The following MAPK10 variants were observed in gnomAD, a reference collection of about 807,000 sequenced individuals.
The protein encoded by MAPK10 is mitogen-activated protein kinase 10.
MAPK10 carries 25 observed loss-of-function variants against 59.3 expected under a neutral mutation model. The observed-to-expected ratio is 0.42, with a 90% CI of 0.31 to 0.59. The LOEUF (loss-of-function observed/expected upper bound fraction) is 0.59, where lower values mean the gene tolerates loss of function less well. Ranked by LOEUF, MAPK10 falls within the 20% of genes least tolerant of loss-of-function variation. The probability of loss-of-function intolerance (pLI) is 0.15; values close to 1 mark genes in which losing one functional copy is unlikely to be tolerated. For synonymous variants in MAPK10, 190 were observed against 200.5 expected (o/e 0.95, Z 0.44); for missense variants, 351 against 568.9 (o/e 0.62, Z 3.90).
rs552850757 is a variant in MAPK10 at position 86,421,733 on chromosome 4, G to C, written c.-122+31297C>G. The stretch of plus-strand genomic sequence containing the variant: ...GCAGATCTCAGCCTACCACTAACTA[G>C]CTGCAAATATGTTCTATAACACAGC... On this transcript the variant is annotated intron_variant, in intron 1 of 13. Transcript: ENST00000361569. Among the ~76,000 whole-genome samples, 42 of 152,282 alleles carry C rather than the reference G, an allele frequency of 2.8e-4. No individual in the cohort carries two copies. The East Asian group carries it at 7.9e-3, about 29-fold the overall frequency.
intron 1 of MAPK10, among the ~76,000 whole-genome samples, chr4:86,588,388 G>A (rs1206020771): frequency 6.6e-6 from 1 of 151,950 alleles, no homozygotes; most frequent in Non-Finnish European, 1.5e-5. Flanking sequence ...GAAATGCAAT[G>A]TTTTCCGTAA....
intron 3 of MAPK10, among the ~76,000 whole-genome samples, chr4:86,161,874 C>T (rs2069813338): frequency 6.6e-6 from 1 of 152,018 alleles, no homozygotes; most frequent in African/African-American, 2.4e-5. Context: ...TTCACTGTGG[C>T]TTTTCCAGCT....
At chr4:86,061,266 C>A (rs570349982) in intron 11 of MAPK10, among the ~76,000 whole-genome samples, 1 of 152,044 alleles carries the variant, frequency 6.6e-6, no homozygotes, top group Non-Finnish European at 1.5e-5. Flanking sequence ...AATATATTTG[C>A]CCTCTTGATG....
At chr4:86,533,685 G>A (rs1478610382) in intron 1 of MAPK10, among the ~76,000 whole-genome samples, 1 of 152,154 alleles carries the variant, frequency 6.6e-6, no homozygotes, top group Admixed American at 6.5e-5. Flanking sequence ...GGGACCACAG[G>A]TGTGTACCAC....
intron 2 of MAPK10, among the ~76,000 whole-genome samples, chr4:86,244,322 AT>A (rs1385272569): frequency 6.6e-6 from 1 of 152,180 alleles, no homozygotes; most frequent in East Asian, 1.9e-4. Flanking sequence ...ATACAAGATC[AT>A]TTTTTATTAA....
chr4:86,228,378 T>C lies in MAPK10; in HGVS notation c.-6-33971A>G, dbSNP rs569181187. 9.2e-5 allele frequency among the ~76,000 whole-genome samples: 14 copies of C among 152,286 alleles called. No homozygotes were observed. In the East Asian group the frequency reaches 2.3e-3, roughly 25 times the overall value. On this transcript the variant is annotated intron_variant, in intron 2 of 13. Transcript: ENST00000641462. ...GGCCCGAGATGCCAGAGAATCAAGG[T>C]CACAGAAAAAACAGTAAATGTCGTG...
intron 4 of MAPK10, among the ~76,000 whole-genome samples, chr4:86,117,137 A>C (rs1034113095): frequency 6.6e-6 from 1 of 152,366 alleles, no homozygotes; most frequent in South Asian, 2.1e-4. Flanking sequence ...AGCTGGGCAC[A>C]GTGGCATGTG....
intron 1 of MAPK10, among the ~76,000 whole-genome samples, chr4:86,524,755 C>T (rs969212615): frequency 6.6e-6 from 1 of 151,264 alleles, no homozygotes; most frequent in African/African-American, 2.4e-5. Flanking sequence ...GTTGTTCTTG[C>T]TTCTGCTGCT....
chr4:86,428,577 T>C (rs1385724040), intron 1 of MAPK10, among the ~76,000 whole-genome samples: 2 of 150,274 alleles, frequency 1.3e-5, no homozygotes, highest in African/African-American at 2.5e-5. Context: ...GATAGATAGA[T>C]AGACAGATAG....
At chr4:86,370,779 A>G (rs1207044089) in intron 1 of MAPK10, 1 of 152,186 alleles carries the variant, frequency 6.6e-6, no homozygotes, top group Non-Finnish European at 1.5e-5. Flanking sequence ...GACTATGACT[A>G]CCCATCAGAT....
intron 2 of MAPK10, among the ~76,000 whole-genome samples, chr4:86,214,401 A>C (rs911818343): frequency 2.0e-5 from 3 of 151,938 alleles, no homozygotes; most frequent in Non-Finnish European, 2.9e-5. Flanking sequence ...AGGGAAAAAA[A>C]CAGGAAAGAA....
chr4:86,311,809 G>A (rs973307596), intron 2 of MAPK10, among the ~76,000 whole-genome samples: 1 of 152,114 alleles, frequency 6.6e-6, no homozygotes, highest in African/African-American at 2.4e-5. Context: ...TGAAGACACT[G>A]TCTGGGTGTT....
At chr4:86,350,013 G>T (rs1156971058) in intron 2 of MAPK10, among the ~76,000 whole-genome samples, 1 of 152,146 alleles carries the variant, frequency 6.6e-6, no homozygotes, top group Non-Finnish European at 1.5e-5. Context: ...AAGGTCAAGA[G>T]TATCTAAAAT....
At chr4:86,330,082 C>A (rs1207316194) in intron 2 of MAPK10, among the ~76,000 whole-genome samples, 6 of 152,024 alleles carry the variant, frequency 3.9e-5, no homozygotes, top group Non-Finnish European at 8.8e-5. Flanking sequence ...TGTCCGTATC[C>A]CTGAAAATGA....
chr4:86,126,374 A>T (rs1214023040), intron 4 of MAPK10, among the ~76,000 whole-genome samples: 1 of 152,008 alleles, frequency 6.6e-6, no homozygotes, highest in African/African-American at 2.4e-5. Context: ...GTCATCTATT[A>T]TGTTTTATCA....
At chr4:86,435,690 C>G (rs1037119676) in intron 1 of MAPK10, among the ~76,000 whole-genome samples, 5 of 152,184 alleles carry the variant, frequency 3.3e-5, no homozygotes, top group African/African-American at 1.2e-4. Context: ...TCTGATTAGT[C>G]ACTTTTGCTC....
chr4:86,064,710 A>G (rs1353141554), intron 10 of MAPK10: 4 of 268,052 alleles, frequency 1.5e-5, no homozygotes, highest in Non-Finnish European at 2.1e-5. Flanking sequence ...GCATGAATAT[A>G]GGATAAACAG....
intron 11 of MAPK10, among the ~76,000 whole-genome samples, chr4:86,047,836 G>A (rs1436222058): frequency 3.3e-5 from 5 of 152,274 alleles, no homozygotes; most frequent in African/African-American, 4.8e-5. Context: ...GAGGAATTAT[G>A]TGAATGTAAC....
At chr4:86,232,373 C>CA (rs951014120) in intron 2 of MAPK10, among the ~76,000 whole-genome samples, 14 of 148,336 alleles carry the variant, frequency 9.4e-5, no homozygotes, top group African/African-American at 3.6e-4. Context: ...ATAATAGAAT[C>CA]AATTTTTTTT....
Sources: gnomAD v4.1 joint callset for allele counts (sites outside exome capture counted in the v4.1 genomes callset) on GRCh38, gnomAD v4.1.1 for gene constraint, MANE v1.5 for transcripts, NCBI Gene and HGNC (gene_info 2026-07-23, HGNC 2026-07-21) for gene names.